The following AFF4 variants were observed in gnomAD, a reference collection of about 807,000 sequenced individuals.
AFF4 encodes the protein AF4/FMR2 family member 4.
A neutral mutation model predicts 124.8 loss-of-function variants in AFF4; 13 were observed. That is an observed-to-expected ratio of 0.10 (90% confidence interval 0.07 to 0.17). AFF4 has a LOEUF of 0.17. AFF4 is among the 10% of genes least tolerant of loss of function. The pLI, the probability that AFF4 is intolerant of heterozygous loss-of-function variation, is 1.00. For missense variants in AFF4, 1,092 were observed against 1,403.8 expected, an observed-to-expected ratio of 0.78 and a Z score of 3.55; for synonymous variants, 477 against 496.1, an observed-to-expected ratio of 0.96 and a Z score of 0.51.
rs1315384147 is a variant in AFF4, at chr5:132,936,071, T to C, written c.123+996A>G. Among the ~76,000 whole-genome samples, 16 of 151,604 alleles carry C rather than the reference T, an allele frequency of 1.1e-4. 1 individual carries two copies. The highest frequency in any genetic ancestry group is 9.9e-4 in the Admixed American group (15 of 15,186). On this transcript the variant is annotated intron_variant, in intron 2 of 20. Coordinates refer to ENST00000265343, the MANE Select transcript of AFF4 (RefSeq NM_014423.4). ...TCATGAGGTCAAGAGATCGAGACCA[T>C]CCTGGCTAACATGGTGAAACCCTGT...
At chr5:132,954,674 A>T (rs1338672923) in intron 1 of AFF4, among the ~76,000 whole-genome samples, 3 of 149,120 alleles carry the variant, frequency 2.0e-5, no homozygotes, top group African/African-American at 7.4e-5. Context: ...CAGCCTCCCA[A>T]GTAGCTGGGA....
intron 5 of AFF4, among the ~76,000 whole-genome samples, chr5:132,912,139 C>T (rs181962998): frequency 1.2e-4 from 17 of 142,266 alleles, no homozygotes; most frequent in African/African-American, 4.0e-4. Context: ...GATCACCTGA[C>T]GTCAGGAGTT....
chr5:132,940,814 G>C (rs1761551353), intron 1 of AFF4, among the ~76,000 whole-genome samples: 1 of 152,044 alleles, frequency 6.6e-6, no homozygotes, highest in Non-Finnish European at 1.5e-5. Context: ...ATGACCTGAG[G>C]TCAAGAATTC....
chr5:132,924,203 G>C (rs1005868028), intron 5 of AFF4, among the ~76,000 whole-genome samples: 1 of 152,014 alleles, frequency 6.6e-6, no homozygotes, highest in Non-Finnish European at 1.5e-5. Context: ...GCAGTGAGCC[G>C]AGATCATGCC....
chr5:132,923,713 C>G (rs1761106609), intron 5 of AFF4, among the ~76,000 whole-genome samples: 1 of 151,984 alleles, frequency 6.6e-6, no homozygotes, highest in Admixed American at 6.6e-5. Context: ...TAAGACCAGC[C>G]TAGGCAAGAC....
In AFF4 at chr5:132,880,782, A is replaced by G. The variant is rs902440135; in HGVS notation, c.*277T>C. The G allele has an allele frequency of 3.2e-6, 1 of 315,546 alleles. No individual in the cohort carries two copies. Among genetic ancestry groups the G allele is most frequent in the African/African-American group, 2.1e-5 (1 of 47,456 alleles). 19.5% of individuals were successfully genotyped at this position (315,546 alleles called of 1,614,324 possible). On this transcript the variant is annotated 3_prime_UTR_variant, in exon 21 of 21. Transcript: ENST00000265343. Reference sequence around the variant, plus strand: ...TAAAATTTCAATTCATTAGTTATGAATTGCAACTGGAATTTCAATCTTATC... The same window carrying G: ...TAAAATTTCAATTCATTAGTTATGAGTTGCAACTGGAATTTCAATCTTATC...
Position 132,876,836 on chromosome 5 carries a change from C to G in AFF4, c.*4223G>C. On this transcript the variant is annotated 3_prime_UTR_variant, in exon 21 of 21. Coordinates refer to ENST00000265343, the MANE Select transcript of AFF4 (RefSeq NM_014423.4). Reference sequence around the variant, plus strand: ...TCACTTGCTAACTTGGTTTTGGGGTCTAGAGGTCTAAAGTGAATTTCTCCA... The same window carrying G: ...TCACTTGCTAACTTGGTTTTGGGGTGTAGAGGTCTAAAGTGAATTTCTCCA... The G allele has an allele frequency of 5.1e-6, 1 of 198,008 alleles. No homozygotes were observed. The highest frequency in any genetic ancestry group is 1.0e-5 in the Non-Finnish European group (1 of 95,778). 12.3% of individuals were successfully genotyped at this position (198,008 alleles called of 1,614,324 possible).
At chr5:132,962,407 C>T (rs1762099225) in intron 1 of AFF4, among the ~76,000 whole-genome samples, 2 of 152,170 alleles carry the variant, frequency 1.3e-5, no homozygotes, top group African/African-American at 4.8e-5. Flanking sequence ...TGAATTACAA[C>T]TGACAAAACT....
intron 1 of AFF4, among the ~76,000 whole-genome samples, chr5:132,956,877 G>A (rs557202690): frequency 1.1e-4 from 16 of 151,202 alleles, no homozygotes; most frequent in Middle Eastern, 3.4e-3. Context: ...AAAATTGGCC[G>A]GGCATGGTGG....
rs1760393668 is a variant in AFF4 at position 132,896,304 on chromosome 5, A to G, written c.2307+19T>C. On this transcript the variant is annotated intron_variant, in intron 11 of 20. Coordinates refer to ENST00000265343, the MANE Select transcript of AFF4 (RefSeq NM_014423.4). ...AGATTCTGATGTTTCAAAACAAACA[A>G]CAAAAACCCTTCACAAACCTTATGC... 6.4e-7 allele frequency: 1 copy of G among 1,556,072 alleles called. No individual in the cohort carries two copies.
intron 4 of AFF4, among the ~76,000 whole-genome samples, chr5:132,928,075 A>G (rs1348292183): frequency 6.6e-6 from 1 of 152,304 alleles, no homozygotes; most frequent in African/African-American, 2.4e-5. Flanking sequence ...TGTAACACCT[A>G]GGAATTTATC....
chr5:132,924,840 AAAAC>A (rs1463992920), intron 5 of AFF4, among the ~76,000 whole-genome samples: 4 of 151,962 alleles, frequency 2.6e-5, no homozygotes, highest in African/African-American at 9.7e-5. Context: ...ACTCCATCTC[AAAAC>A]AAACTAACAA....
chr5:132,935,730 C>T (rs1761411247), intron 2 of AFF4, among the ~76,000 whole-genome samples: 1 of 150,202 alleles, frequency 6.7e-6, no homozygotes, highest in South Asian at 2.1e-4. Context: ...GAGATTGCGT[C>T]ATTGCACTCC....
In AFF4 at chr5:132,902,434, A is replaced by C. The variant is rs769154402; in HGVS notation, c.1133+8T>G. ...ATAAATATTAAACTCATTAAGCAAT[A>C]AACTTACGATTTAGACTGGTGCCCA... is the stretch of plus-strand genomic sequence containing the variant. On this transcript the variant is annotated splice_region_variant and intron_variant, in intron 7 of 20. Coordinates refer to ENST00000265343, the MANE Select transcript of AFF4 (RefSeq NM_014423.4). The C allele has an allele frequency of 1.9e-6, 3 of 1,593,746 alleles. No homozygotes were observed. Among genetic ancestry groups the C allele is most frequent in the Admixed American group, 1.7e-5 (1 of 59,934 alleles).
intron 1 of AFF4, among the ~76,000 whole-genome samples, chr5:132,938,860 G>A (rs890617764): frequency 2.4e-4 from 34 of 141,498 alleles, no homozygotes; most frequent in Middle Eastern, 7.5e-3. Flanking sequence ...GGAGAATGGC[G>A]TGAACCCGGG....
chr5:132,899,190 T>A, intron 8 of AFF4, 49 bp from the exon 9 acceptor site: 1 of 1,555,348 alleles, frequency 6.4e-7, no homozygotes, highest in South Asian at 1.1e-5. Context: ...AACAGTATTC[T>A]ATTTGCTTAG....
intron 5 of AFF4, among the ~76,000 whole-genome samples, chr5:132,923,823 T>C (rs908337061): frequency 6.6e-6 from 1 of 152,180 alleles, no homozygotes; most frequent in African/African-American, 2.4e-5. Flanking sequence ...GACCCAGTAT[T>C]TACCCAGGAT....
intron 1 of AFF4, among the ~76,000 whole-genome samples, chr5:132,941,092 T>C (rs917934840): frequency 2.6e-5 from 4 of 152,108 alleles, no homozygotes; most frequent in Non-Finnish European, 4.4e-5. Context: ...TCTATTTTTT[T>C]CTGATCTTTT....
In AFF4 at chr5:132,925,799, T is replaced by C. The variant is rs536748355; in HGVS notation, c.1050+1322A>G. Among the ~76,000 whole-genome samples the C allele has an allele frequency of 3.9e-5, 6 of 152,378 alleles. No individual in the cohort carries two copies. The South Asian group carries it at 1.2e-3, about 32-fold the overall frequency. On this transcript the variant is annotated intron_variant, in intron 5 of 20. Coordinates refer to ENST00000265343, the MANE Select transcript of AFF4 (RefSeq NM_014423.4). ...CAACAGGTAATACAAGTGGGAATAC[T>C]GGCTGGTACAAATCCTGTAATAGAA... is the stretch of plus-strand genomic sequence containing the variant.
Sources: gnomAD v4.1 joint callset for allele counts (sites outside exome capture counted in the v4.1 genomes callset) on GRCh38, gnomAD v4.1.1 for gene constraint, MANE v1.5 for transcripts, NCBI Gene and HGNC (gene_info 2026-07-23, HGNC 2026-07-21) for gene names.